ATP13A4: variants seen among roughly 807,000 people sequenced by gnomAD.
ATP13A4 encodes the protein probable cation-transporting ATPase 13A4.
In ATP13A4, 114 loss-of-function variants were observed where a neutral mutation model predicts 142.5. The ratio of observed to expected loss-of-function variants is 0.80; its 90% CI spans 0.69 to 0.93. The LOEUF is 0.93. Among genes scored for constraint, ATP13A4 ranks in the 40% least tolerant of loss-of-function variants. The probability of loss-of-function intolerance (pLI) is 0.00; values close to 1 mark genes in which losing one functional copy is unlikely to be tolerated. For missense variants in ATP13A4, 1,392 were observed against 1,454.0 expected, an observed-to-expected ratio of 0.96 and a Z score of 0.69; for synonymous variants, 488 against 514.8, an observed-to-expected ratio of 0.95 and a Z score of 0.70.
At chr3:193,586,928 T>C (rs755762872) in intron 1 of ATP13A4, among the ~76,000 whole-genome samples, 1 of 152,240 alleles carries the variant, frequency 6.6e-6, no homozygotes, top group Non-Finnish European at 1.5e-5. Context: ...TGGGGGAAAG[T>C]GATATCTTAA....
At chr3:193,519,859 G>A (rs1721624547) in intron 1 of ATP13A4, among the ~76,000 whole-genome samples, 2 of 151,680 alleles carry the variant, frequency 1.3e-5, no homozygotes, top group Admixed American at 1.3e-4. Context: ...TGGCCAGGCT[G>A]GTCTCGAACT....
rs1368855662 is a variant in ATP13A4, at chr3:193,458,304, A to G, written c.1674+777T>C. On this transcript the variant is annotated intron_variant, in intron 14 of 29. Transcript: ENST00000342695. ...TCTTTAGATCCCACCTTTTATTTCA[A>G]CTGGAGTAACTCCAGCTATTTAGTC... 2.0e-5 allele frequency among the ~76,000 whole-genome samples: 3 copies of G among 152,296 alleles called. No individual in the cohort carries two copies. The East Asian group carries it at 5.8e-4, about 29-fold the overall frequency.
intron 24 of ATP13A4, among the ~76,000 whole-genome samples, chr3:193,435,067 C>T (rs1716187561): frequency 6.6e-6 from 1 of 152,156 alleles, no homozygotes; most frequent in African/African-American, 2.4e-5. Flanking sequence ...TATTTTTCTA[C>T]ATTTTACTGC....
chr3:193,457,522 T>A, intron 14 of ATP13A4, 57 bp from the exon 15 acceptor site: 3 of 1,518,732 alleles, frequency 2.0e-6, no homozygotes, highest in Non-Finnish European at 2.7e-6. Context: ...TGCCCACTGA[T>A]GCTATGCTTG....
rs1722543299 is a variant in ATP13A4 at position 193,535,439 on chromosome 3, GAC to G, written c.60+19299_60+19300del. Among the ~76,000 whole-genome samples, 3 of 151,942 alleles carry G rather than the reference GAC, an allele frequency of 2.0e-5. 1 individual carries two copies. The South Asian group carries it at 6.2e-4, about 31-fold the overall frequency. ...ACACACTTTTGAATAATTCATGGGT[GAC>G]AGGGGAAGTCTCAAGATAAAAAAAC... is the stretch of plus-strand genomic sequence containing the variant. On this transcript the variant is annotated intron_variant, in intron 1 of 29. Coordinates refer to ENST00000342695, the MANE Select transcript of ATP13A4 (RefSeq NM_032279.4).
At chr3:193,565,153 G>A (rs1724107669) in intron 2 of ATP13A4, among the ~76,000 whole-genome samples, 1 of 152,030 alleles carries the variant, frequency 6.6e-6, no homozygotes, top group Non-Finnish European at 1.5e-5. Context: ...TGAAACCACC[G>A]CCCCCGACTC....
chr3:193,437,334 C>G (rs1716346213), intron 23 of ATP13A4, among the ~76,000 whole-genome samples: 1 of 152,016 alleles, frequency 6.6e-6, no homozygotes, highest in African/African-American at 2.4e-5. Flanking sequence ...ATTTCCTGGA[C>G]AGCACCTATC....
chr3:193,455,990 G>T (rs116401924), intron 16 of ATP13A4, among the ~76,000 whole-genome samples: 23 of 152,042 alleles, frequency 1.5e-4, no homozygotes, highest in Non-Finnish European at 2.2e-4. Context: ...ATGGACATAG[G>T]GGGGAACAAC....
At chr3:193,587,237 AC>A (rs370994006) in intron 1 of ATP13A4, among the ~76,000 whole-genome samples, 48 of 152,352 alleles carry the variant, frequency 3.2e-4, no homozygotes, top group African/African-American at 1.1e-3. Flanking sequence ...AATCTGTATC[AC>A]TGGGCTAAAA....
chr3:193,547,009 T>C (rs1043735692), intron 1 of ATP13A4, among the ~76,000 whole-genome samples: 1 of 152,216 alleles, frequency 6.6e-6, no homozygotes, highest in East Asian at 1.9e-4. Context: ...CTTTGGGGAT[T>C]AAATGGCATT....
In ATP13A4 at chr3:193,589,760, C is replaced by A. The variant is rs571095949; in HGVS notation, n.91+3261G>T. Among the ~76,000 whole-genome samples the A allele has an allele frequency of 2.0e-5, 3 of 152,282 alleles. No homozygotes were observed. The South Asian group carries it at 6.2e-4, about 32-fold the overall frequency. On this transcript the variant is annotated intron_variant and non_coding_transcript_variant, in intron 1 of 3. Coordinates refer to the ATP13A4 transcript ENST00000489140. ...ACAATAAATGTAAGCCTCCCTCCCA[C>A]TCATGACCCACTAACTTCAAGTCCT...
intron 13 of ATP13A4, among the ~76,000 whole-genome samples, chr3:193,459,770 C>T (rs993938379): frequency 6.6e-6 from 1 of 152,162 alleles, no homozygotes; most frequent in Non-Finnish European, 1.5e-5. Flanking sequence ...ACTGCATCCC[C>T]CTCTTCCACC....
chr3:193,478,515 G>GA (rs1435162070), intron 8 of ATP13A4, among the ~76,000 whole-genome samples: 1 of 151,816 alleles, frequency 6.6e-6, no homozygotes, highest in Non-Finnish European at 1.5e-5. Context: ...AAATAAACTA[G>GA]AAAATCTAGA....
intron 25 of ATP13A4, among the ~76,000 whole-genome samples, chr3:193,426,732 C>A (rs1029666539): frequency 6.6e-6 from 1 of 151,844 alleles, no homozygotes; most frequent in Non-Finnish European, 1.5e-5. Flanking sequence ...CATATTAATA[C>A]CATTTAATGA....
intron 25 of ATP13A4, among the ~76,000 whole-genome samples, chr3:193,425,243 C>A (rs1178018951): frequency 6.6e-6 from 1 of 151,478 alleles, no homozygotes; most frequent in Non-Finnish European, 1.5e-5. Context: ...GAAAAGAGAA[C>A]ACTTACATAC....
intron 3 of ATP13A4, among the ~76,000 whole-genome samples, chr3:193,493,872 C>T (rs1252060018): frequency 6.6e-6 from 1 of 151,910 alleles, no homozygotes; most frequent in African/African-American, 2.4e-5. Context: ...ATAAAAAGAG[C>T]CAACTATATG....
chr3:193,462,515 G>T (rs1303374309), intron 13 of ATP13A4, among the ~76,000 whole-genome samples: 1 of 152,172 alleles, frequency 6.6e-6, no homozygotes, highest in Non-Finnish European at 1.5e-5. Context: ...GGATTTGAAT[G>T]CAGTGTCAAA....
Position 193,468,973 on chromosome 3 carries a change from C to G in ATP13A4, c.944-1487G>C, listed in dbSNP as rs148698648. 2.6e-5 allele frequency among the ~76,000 whole-genome samples: 4 copies of G among 152,176 alleles called. No homozygotes were observed. The South Asian group carries it at 6.2e-4, about 24-fold the overall frequency. On this transcript the variant is annotated intron_variant, in intron 9 of 29. Coordinates refer to ENST00000342695, the MANE Select transcript of ATP13A4 (RefSeq NM_032279.4). ...CTTGTAGAAATACCATGTTGAGAAG[C>G]CTTGTAGGCAGTTTGAGATTTATTT...
upstream of ATP13A4, among the ~76,000 whole-genome samples, chr3:193,559,830 G>A (rs1723978289): frequency 6.6e-6 from 1 of 152,128 alleles, no homozygotes; most frequent in African/African-American, 2.4e-5. Context: ...CTGCTCTCTG[G>A]AGGTAAGGCA....
Sources: allele counts gnomAD v4.1 joint callset (sites outside exome capture counted in the v4.1 genomes callset), GRCh38; gene constraint gnomAD v4.1.1; transcripts MANE v1.5; gene names NCBI Gene and HGNC (gene_info 2026-07-23, HGNC 2026-07-21).